Variants in TTN observed in about 807,000 individuals in gnomAD.
TTN encodes connectin.
TTN carries 1,525 observed loss-of-function variants against 3,223.0 expected under a neutral mutation model. That is an observed-to-expected ratio of 0.47 (90% CI 0.45 to 0.49). The LOEUF is 0.49. Among genes scored for constraint, TTN ranks in the 20% least tolerant of loss-of-function variants. The probability of loss-of-function intolerance (pLI) is 0.00; values close to 1 mark genes in which losing one functional copy is unlikely to be tolerated. For synonymous variants in TTN, 14,094 were observed against 15,161.0 expected, an observed-to-expected ratio of 0.93 and a Z score of 5.17; for missense variants, 40,786 against 43,424.0, an observed-to-expected ratio of 0.94 and a Z score of 5.40.
chr2:178,554,677 G>T lies in TTN; in HGVS notation c.88670C>A (p.Pro29557His). ...TTTTGCACCACCATCATCAGCTGGA[G>T]GCCGCCAGAGAAGGGTGATCTTCTC... The part of the protein sequence containing the change: ...TAEKITLLWR[P>H]PADDGGAKIT... Residue 29557 changes from proline (P) to histidine (H), a missense_variant, in exon 332 of 363, where the codon CCT becomes CAT. Pro to His is a moderately conservative substitution (Grantham distance 77, BLOSUM62 -2). Transcript: ENST00000589042. The T allele has an allele frequency of 6.2e-7, 1 of 1,613,938 alleles. No individual in the cohort carries two copies. Among genetic ancestry groups the T allele is most frequent in the Non-Finnish European group, 8.5e-7 (1 of 1,179,848 alleles).
chr2:178,601,552 G>A lies in TTN; in HGVS notation c.55445C>T (p.Pro18482Leu). 1 of 1,611,172 alleles carries A rather than the reference G, an allele frequency of 6.2e-7. No individual in the cohort carries two copies. The highest frequency in any genetic ancestry group is 1.3e-5 in the African/African-American group (1 of 74,900). The change falls in exon 287 of 363, where the codon CCA (proline) becomes CTA (leucine). Residue 18482 changes from proline to leucine, a missense_variant. Transcript: ENST00000589042. Reference sequence around the variant, plus strand: ...ATCACTGACTTTCAGATCTTTGGGTGGGCCTGGTACATCTGTTGGATGTAA... The same window carrying A: ...ATCACTGACTTTCAGATCTTTGGGTAGGCCTGGTACATCTGTTGGATGTAA... ...CRVKVMDVPG[P>L]PKDLKVSDIT...
chr2:178,646,558 T>G lies in TTN; in HGVS notation c.40224A>C (p.Glu13408Asp). ...GTTTAATATACTTTTCAATTTCACGTTCTTTAAAGAATGTTGACAAAGGAG... is the reference window on the plus strand; with the variant it reads ...GTTTAATATACTTTTCAATTTCACGGTCTTTAAAGAATGTTGACAAAGGAG... ...IGRKETPPVE[E>D]REIEKYIKPE... is the part of the protein sequence containing the mutation. Residue 13408 changes from glutamate (E) to aspartate (D), a missense_variant and splice_region_variant, in exon 216 of 363, where the codon GAA becomes GAC. By Grantham distance (45) the Glu-to-Asp change is conservative. Coordinates refer to ENST00000589042, the MANE Select transcript of TTN (RefSeq NM_001267550.2). 1 of 1,541,542 alleles carries G rather than the reference T, an allele frequency of 6.5e-7. No homozygotes were observed. The highest frequency in any genetic ancestry group is 1.2e-5 in the South Asian group (1 of 83,322).
At chr2:178,746,410 T>C in intron 47 of TTN, 3 of 1,609,552 alleles carry the variant, frequency 1.9e-6, no homozygotes, top group Non-Finnish European at 2.5e-6. Context: ...GAACTGTCAC[T>C]ATTTTCACCT....
chr2:178,757,233 A>G (rs929643970), intron 45 of TTN, among the ~76,000 whole-genome samples: 1 of 198 alleles, frequency 5.1e-3, no homozygotes, highest in Non-Finnish European at 0.021. Flanking sequence ...AGTAATAATC[A>G]GCAAATAGAT....
intron 316 of TTN, 39 bp downstream of exon 316, chr2:178,581,460 A>T: frequency 6.6e-7 from 1 of 1,507,990 alleles, no homozygotes; most frequent in Non-Finnish European, 9.0e-7. Context: ...AATATGATTA[A>T]TAGGAAAAGC....
At chr2:178,624,364 C>T in intron 242 of TTN, 101 bp downstream of exon 242, 3 of 1,474,956 alleles carry the variant, frequency 2.0e-6, no homozygotes, top group Non-Finnish European at 2.8e-6. Context: ...CCAAGAAATG[C>T]AGTTAGGCCA....
At chr2:178,748,745 T>C (rs1220839025) in intron 47 of TTN, 2 of 1,612,518 alleles carry the variant, frequency 1.2e-6, no homozygotes, top group Non-Finnish European at 8.5e-7. Flanking sequence ...ACTTATTTTT[T>C]CCTGTTGTTC....
Position 178,689,963 on chromosome 2 carries a change from T to A in TTN, c.31763-67A>T, listed in dbSNP as rs2071939545. 3 of 1,336,314 alleles carry A rather than the reference T, an allele frequency of 2.2e-6. No homozygotes were observed. In the African/African-American group the frequency reaches 4.4e-5, roughly 20 times the overall value. The allele number at this position is 1,336,314 out of a possible 1,614,324, so 82.8% of individuals were successfully genotyped here. A position where few individuals can be genotyped will look rare whatever the true frequency, so the allele number is the denominator to read the frequency against. On this transcript the variant is annotated intron_variant, in intron 121 of 362. Transcript: ENST00000589042. Reference sequence around the variant, plus strand: ...ACTTTTATGAAAGAACATAGGCACATGCACAAATCTTTATGTAGTACATTA... The same window carrying A: ...ACTTTTATGAAAGAACATAGGCACAAGCACAAATCTTTATGTAGTACATTA...
Position 178,554,709 on chromosome 2 carries a change from T to C in TTN, c.88638A>G (p.Val29546=), listed in dbSNP as rs1369135091. 1.2e-6 allele frequency: 2 copies of C among 1,613,934 alleles called. No individual in the cohort carries two copies. The highest frequency in any genetic ancestry group is 1.7e-6 in the Non-Finnish European group (2 of 1,179,854). The change falls in exon 332 of 363, where the codon GTA becomes GTG. Residue 29546 remains valine, a synonymous_variant. Coordinates refer to ENST00000589042, the MANE Select transcript of TTN (RefSeq NM_001267550.2). ...PPGGPIEFKT[V]TAEKITLLWR... ...AGAGAAGGGTGATCTTCTCAGCAGT[T>C]ACAGTCTTAAATTCAATTGGTCCAC...
At position 178,527,448 on chromosome 2, in the gene TTN, C is replaced by G. The variant is rs1686941011; in HGVS notation, c.107678G>C (p.Arg35893Thr). The change falls in exon 362 of 363, where the codon AGA becomes ACA. Residue 35893 changes from arginine (R) to threonine (T), a missense_variant and splice_region_variant. Coordinates refer to ENST00000589042, the MANE Select transcript of TTN (RefSeq NM_001267550.2). ...CTACCAGTAATTTTATTGCTCACCT[C>G]TTATGCCTGCTTTAAGCATTTTACT... ...STSKMLKAGI[R>T]GIPPKIEALP... 15 of 1,612,662 alleles carry G rather than the reference C, an allele frequency of 9.3e-6. No homozygotes were observed. Among genetic ancestry groups the G allele is most frequent in the Non-Finnish European group, 1.3e-5 (15 of 1,178,898 alleles).
chr2:178,623,229 T>A (rs1481311014), intron 242 of TTN, among the ~76,000 whole-genome samples: 2 of 151,936 alleles, frequency 1.3e-5, no homozygotes, highest in African/African-American at 4.8e-5. Flanking sequence ...CAGCCTTGTG[T>A]ATGGCTAAGA....
intron 6 of TTN, 163 bp downstream of exon 6, chr2:178,799,324 C>T: frequency 2.7e-6 from 3 of 1,100,802 alleles, no homozygotes; most frequent in Middle Eastern, 3.0e-4. Context: ...AGCCCCACAA[C>T]CTGCCCGTTT....
Position 178,565,279 on chromosome 2 carries a change from G to A in TTN, c.80853C>T (p.Thr26951=), listed in dbSNP as rs768624663. ...TGCCTGCACTATTTGTTGCCGTTAC[G>A]GTGTATTTTCCAAAGTCATCTTTGT... The part of the protein sequence containing the change: ...EGNKDDFGKY[T]VTATNSAGTA... The change falls in exon 326 of 363, where the codon ACC becomes ACT. Residue 26951 remains threonine, a synonymous_variant. Transcript: ENST00000589042. 15 of 1,613,464 alleles carry A rather than the reference G, an allele frequency of 9.3e-6. No homozygotes were observed. Among genetic ancestry groups the A allele is most frequent in the South Asian group, 2.2e-5 (2 of 91,082 alleles).
Position 178,588,636 on chromosome 2 carries a change from G to T in TTN, c.63089C>A (p.Pro21030Gln), listed in dbSNP as rs886042482. 3 of 1,606,186 alleles carry T rather than the reference G, an allele frequency of 1.9e-6. No individual in the cohort carries two copies. The Admixed American group carries it at 5.1e-5, about 27-fold the overall frequency. The change falls in exon 304 of 363, where the codon CCA becomes CAA. Residue 21030 changes from proline (P) to glutamine (Q), a missense_variant. Transcript: ENST00000589042. ...ERRMKVQNLL[P>Q]DHEYQFRVKA... ...GACACGGAACTGATATTCATGGTCT[G>T]GGAGGAGATTCTGTACTTTCATACG...
intron 133 of TTN, among the ~76,000 whole-genome samples, chr2:178,683,778 A>G (rs1034217063): frequency 6.6e-6 from 1 of 152,046 alleles, no homozygotes; most frequent in African/African-American, 2.4e-5. Context: ...AGATTAAGGA[A>G]AATTATTCAC....
At chr2:178,767,455 G>A (rs1042859963) in intron 40 of TTN, among the ~76,000 whole-genome samples, 2 of 152,176 alleles carry the variant, frequency 1.3e-5, no homozygotes, top group African/African-American at 4.8e-5. Context: ...TGAACCTCAC[G>A]ATTTACATTT....
In TTN at chr2:178,717,115, G is replaced by A. The variant is rs201523784; in HGVS notation, c.25619C>T (p.Ser8540Phe). The A allele has an allele frequency of 6.0e-4, 973 of 1,613,056 alleles. 1 individual carries two copies. Among genetic ancestry groups the A allele is most frequent in the Non-Finnish European group, 6.4e-4 (749 of 1,179,292 alleles). ...ASNIAGKDSC[S>F]AQLGVQEPPR... ...AGTACCTTGTACACCCAGCTGAGCA[G>A]AACAAGAGTCTTTTCCAGCGATGTT... Residue 8540 changes from serine (S) to phenylalanine (F), a missense_variant, in exon 88 of 363, where the codon TCT (serine) becomes TTT (phenylalanine). Ser to Phe is a radical substitution (Grantham distance 155). Coordinates refer to ENST00000589042, the MANE Select transcript of TTN (RefSeq NM_001267550.2).
Position 178,588,833 on chromosome 2 carries a change from A to C in TTN, c.62892T>G (p.Pro20964=). The change falls in exon 304 of 363, where the codon CCT becomes CCG. Residue 20964 remains proline (P), a synonymous_variant. Transcript: ENST00000589042. ...TGACTTCTGGGGGATCAGGGCGACC[A>C]GGTTTATCATACTTGGTTTTGGCTA... The part of the protein sequence containing the change: ...PVIAKTKYDK[P]GRPDPPEVTK... 2 of 1,613,384 alleles carry C rather than the reference A, an allele frequency of 1.2e-6. No individual in the cohort carries two copies. Among genetic ancestry groups the C allele is most frequent in the Non-Finnish European group, 1.7e-6 (2 of 1,179,608 alleles).
chr2:178,694,996 T>G, intron 115 of TTN, 90 bp from the exon 116 acceptor site: 1 of 895,556 alleles, frequency 1.1e-6, no homozygotes, highest in Non-Finnish European at 1.7e-6. Context: ...GTATATGTGT[T>G]TATACACACC....
Sources: gnomAD v4.1 joint callset for allele counts (sites outside exome capture counted in the v4.1 genomes callset) on GRCh38, gnomAD v4.1.1 for gene constraint, MANE v1.5 for transcripts, NCBI Gene and HGNC (gene_info 2026-07-23, HGNC 2026-07-21) for gene names.